The following EVI5 variants were observed in gnomAD, a reference collection of about 807,000 sequenced individuals.
The protein encoded by EVI5 is ecotropic viral integration site 5 protein homolog.
EVI5 carries 73 observed loss-of-function variants against 112.0 expected under a neutral mutation model. That is an observed-to-expected ratio of 0.65 (90% CI 0.54 to 0.79). The LOEUF is 0.79. EVI5 is among the 30% of genes least tolerant of loss of function. The pLI, the probability that EVI5 is intolerant of heterozygous loss-of-function variation, is 0.00. For synonymous variants in EVI5, 305 were observed against 319.9 expected, an observed-to-expected ratio of 0.95 and a Z score of 0.50; for missense variants, 900 against 968.8, an observed-to-expected ratio of 0.93 and a Z score of 0.94.
intron 19 of EVI5, among the ~76,000 whole-genome samples, chr1:92,531,286 T>C (rs145757963): frequency 1.1e-4 from 16 of 152,090 alleles, no homozygotes; most frequent in African/African-American, 3.9e-4. Context: ...TATGGGACTA[T>C]GTAAAGAGAC....
intron 14 of EVI5, among the ~76,000 whole-genome samples, chr1:92,627,482 C>T (rs1385397374): frequency 1.3e-5 from 2 of 152,168 alleles, no homozygotes; most frequent in African/African-American, 2.4e-5. Flanking sequence ...TATAAACATG[C>T]GTGTGCAAGT....
intron 10 of EVI5, among the ~76,000 whole-genome samples, chr1:92,666,464 A>G (rs1285380786): frequency 5.0e-5 from 1 of 19,820 alleles, no homozygotes; most frequent in African/African-American, 1.9e-4. Flanking sequence ...GGAGGCTGGG[A>G]GGTGGGGGCT....
intron 2 of EVI5, among the ~76,000 whole-genome samples, chr1:92,715,341 G>C (rs373310653): frequency 6.6e-6 from 1 of 152,034 alleles, no homozygotes; most frequent in Non-Finnish European, 1.5e-5. Context: ...ACACACACGC[G>C]ACTCAAAATT....
upstream of EVI5, among the ~76,000 whole-genome samples, chr1:92,788,969 C>T (rs983967243): frequency 2.5e-4 from 38 of 152,048 alleles, no homozygotes; most frequent in African/African-American, 8.7e-4. Context: ...TTATCATAAC[C>T]CCCTTGCATA....
chr1:92,658,631 A>T (rs1469121095), intron 13 of EVI5, among the ~76,000 whole-genome samples: 2 of 152,222 alleles, frequency 1.3e-5, no homozygotes, highest in Non-Finnish European at 2.9e-5. Context: ...TGGAAGAATC[A>T]GTATCATTAA....
chr1:92,750,469 C>T (rs868192198), intron 1 of EVI5, among the ~76,000 whole-genome samples: 2 of 152,158 alleles, frequency 1.3e-5, no homozygotes, highest in South Asian at 2.1e-4. Context: ...AACACTTTCA[C>T]GAACACGCTG....
intron 18 of EVI5, chr1:92,580,945 T>C (rs1671837187): frequency 6.6e-6 from 1 of 152,262 alleles, no homozygotes; most frequent in Non-Finnish European, 1.5e-5. Flanking sequence ...TAATTCTTCT[T>C]ATCCTTGAAT....
intron 9 of EVI5, among the ~76,000 whole-genome samples, chr1:92,684,675 A>G (rs1388473219): frequency 1.3e-5 from 2 of 152,170 alleles, no homozygotes; most frequent in Non-Finnish European, 2.9e-5. Flanking sequence ...GTGCAAAGAC[A>G]CACATAGGCT....
chr1:92,747,827 T>C (rs568125074), intron 1 of EVI5, among the ~76,000 whole-genome samples: 1 of 151,912 alleles, frequency 6.6e-6, no homozygotes, highest in Non-Finnish European at 1.5e-5. Flanking sequence ...CTAAAACTTG[T>C]AGGGAGAATC....
intron 2 of EVI5, among the ~76,000 whole-genome samples, chr1:92,729,474 G>A (rs1283196863): frequency 1.3e-5 from 2 of 152,138 alleles, no homozygotes; most frequent in Non-Finnish European, 2.9e-5. Context: ...AAAGGTCAAG[G>A]ACTTTTGAAG....
intron 18 of EVI5, among the ~76,000 whole-genome samples, chr1:92,578,120 T>A (rs1255988338): frequency 6.6e-6 from 1 of 152,198 alleles, no homozygotes. Flanking sequence ...TTTTAAAGAA[T>A]TAGTTTGAAA....
At chr1:92,773,609 T>C (rs1241148878) in intron 1 of EVI5, among the ~76,000 whole-genome samples, 1 of 151,950 alleles carries the variant, frequency 6.6e-6, no homozygotes, top group South Asian at 2.1e-4. Context: ...ACTACTGCAC[T>C]CCAGCCTGGG....
intron 2 of EVI5, among the ~76,000 whole-genome samples, chr1:92,734,965 A>C (rs1288270410): frequency 6.6e-6 from 1 of 152,234 alleles, no homozygotes; most frequent in Admixed American, 6.5e-5. Context: ...TAAACTAAAA[A>C]GACTGATCAT....
intron 18 of EVI5, 51 bp downstream of exon 18, chr1:92,605,253 AGAG>A (rs1650108241): frequency 8.7e-7 from 1 of 1,151,082 alleles, no homozygotes; most frequent in African/African-American, 1.5e-5. Flanking sequence ...GTTCAGACAA[AGAG>A]GATAGAAGAA....
intron 11 of EVI5, among the ~76,000 whole-genome samples, chr1:92,665,166 C>T (rs778076531): frequency 2.6e-5 from 4 of 152,116 alleles, no homozygotes. Context: ...GATTGAGCCA[C>T]TGCACTCCAG....
In EVI5 at chr1:92,511,001, ACAAAAATCCC is replaced by A. The variant is rs1018389905; in HGVS notation, c.*2645_*2654del. The A allele has an allele frequency of 6.6e-6, 1 of 152,206 alleles. No homozygotes were observed. Among genetic ancestry groups the A allele is most frequent in the Non-Finnish European group, 1.5e-5 (1 of 68,038 alleles). 9.4% of individuals were successfully genotyped at this position (152,206 alleles called of 1,614,324 possible). A position where few individuals can be genotyped will look rare whatever the true frequency, so the allele number is the denominator to read the frequency against. ...CTGGGCTGATAGTATAGAACTCCGA[ACAAAAATCCC>A]CAAAGCACAAGACAATCCTACGAGT... On this transcript the variant is annotated 3_prime_UTR_variant, in exon 20 of 20. Coordinates refer to ENST00000684568, the MANE Select transcript of EVI5 (RefSeq NM_001350197.2).
Position 92,785,086 on chromosome 1 carries a change from G to T in EVI5, c.-332C>A, listed in dbSNP as rs1206862506. On this transcript the variant is annotated 5_prime_UTR_variant, in exon 1 of 20. Coordinates refer to ENST00000684568, the MANE Select transcript of EVI5 (RefSeq NM_001350197.2). ...GGCCAGCTGGTTCCTCCGGGGTCCGGCCCGGCCGCGTCAGGAGAGCCCAAG... is the reference window on the plus strand; with the variant it reads ...GGCCAGCTGGTTCCTCCGGGGTCCGTCCCGGCCGCGTCAGGAGAGCCCAAG... 1 of 985,408 alleles carries T rather than the reference G, an allele frequency of 1.0e-6. No individual in the cohort carries two copies. Among genetic ancestry groups the T allele is most frequent in the Non-Finnish European group, 1.2e-6 (1 of 830,050 alleles). The allele number at this position is 985,408 out of a possible 1,614,324, so 61.0% of individuals were successfully genotyped here. A position where few individuals can be genotyped will look rare whatever the true frequency, so the allele number is the denominator to read the frequency against.
chr1:92,744,635 CACACACACACAG>C (rs1348218716), intron 1 of EVI5, among the ~76,000 whole-genome samples: 1 of 135,462 alleles, frequency 7.4e-6, no homozygotes, highest in African/African-American at 2.8e-5. Flanking sequence ...CACACACACA[CACACACACACAG>C]AGGACGGCAG....
intron 1 of EVI5, among the ~76,000 whole-genome samples, chr1:92,743,086 C>T (rs951202318): frequency 3.9e-5 from 6 of 152,258 alleles, no homozygotes; most frequent in Admixed American, 3.3e-4. Flanking sequence ...AGCGTGATGG[C>T]TCACGCCTGT....
Sources: allele counts gnomAD v4.1 joint callset (sites outside exome capture counted in the v4.1 genomes callset), GRCh38; gene constraint gnomAD v4.1.1; transcripts MANE v1.5; gene names NCBI Gene and HGNC (gene_info 2026-07-23, HGNC 2026-07-21).